WHRN: variants seen among roughly 807,000 people sequenced by gnomAD.
WHRN encodes the protein whirlin.
A neutral mutation model predicts 68.3 loss-of-function variants in WHRN; 41 were observed. That is an observed-to-expected ratio of 0.60 (90% CI 0.47 to 0.78). WHRN has a LOEUF of 0.78. Ranked by LOEUF, WHRN falls within the 30% of genes least tolerant of loss-of-function variation. The pLI is 0.00. For missense variants in WHRN, 1,243 were observed against 1,244.7 expected, an observed-to-expected ratio of 1.00 and a Z score of 0.02; for synonymous variants, 560 against 561.3, an observed-to-expected ratio of 1.00 and a Z score of 0.03.
chr9:114,477,048 G>A (rs1841706899), intron 2 of WHRN, among the ~76,000 whole-genome samples: 1 of 152,194 alleles, frequency 6.6e-6, no homozygotes. Context: ...GGTGGGGAGA[G>A]GGTACGAGCC....
intron 2 of WHRN, among the ~76,000 whole-genome samples, chr9:114,470,357 G>A (rs1462794897): frequency 2.6e-5 from 4 of 152,254 alleles, no homozygotes; most frequent in East Asian, 1.9e-4. Context: ...ACAGGACAGC[G>A]TGCAGCCCCG....
intron 8 of WHRN, 44 bp downstream of exon 8, chr9:114,407,903 G>T: frequency 6.6e-7 from 1 of 1,526,470 alleles, no homozygotes. Context: ...CAGGACCTGA[G>T]CACACCAGGG....
At chr9:114,491,111 G>A (rs918633494) in intron 1 of WHRN, among the ~76,000 whole-genome samples, 7 of 152,080 alleles carry the variant, frequency 4.6e-5, no homozygotes, top group African/African-American at 1.2e-4. Context: ...ATCGATGTCC[G>A]AAGCACAGAG....
At chr9:114,490,065 G>C (rs577546626) in intron 1 of WHRN, among the ~76,000 whole-genome samples, 2 of 152,304 alleles carry the variant, frequency 1.3e-5, no homozygotes, top group South Asian at 4.1e-4. Context: ...GTGCTCATCA[G>C]GGAGCCAGGA....
At chr9:114,406,209 C>G in intron 9 of WHRN, 146 bp downstream of exon 9, 1 of 1,077,542 alleles carries the variant, frequency 9.3e-7, no homozygotes, top group East Asian at 2.5e-5. Context: ...GGGATTCAAA[C>G]TGGGGTCTCC....
intron 7 of WHRN, among the ~76,000 whole-genome samples, chr9:114,422,033 G>A (rs573829380): frequency 6.6e-6 from 1 of 152,208 alleles, no homozygotes; most frequent in Non-Finnish European, 1.5e-5. Context: ...CAAAAGAGAA[G>A]GGTGCATGCT....
chr9:114,498,163 C>A (rs985864126), intron 1 of WHRN, among the ~76,000 whole-genome samples: 1 of 152,116 alleles, frequency 6.6e-6, no homozygotes, highest in African/African-American at 2.4e-5. Context: ...ATTAAAGCAC[C>A]TACTGTGTGC....
chr9:114,465,752 T>G (rs1237073609), intron 3 of WHRN, among the ~76,000 whole-genome samples: 3 of 152,144 alleles, frequency 2.0e-5, no homozygotes, highest in South Asian at 2.1e-4. Flanking sequence ...TGTCTCAGTT[T>G]CCCCAACTGG....
intron 3 of WHRN, among the ~76,000 whole-genome samples, chr9:114,433,878 T>C (rs7872269): frequency 0.98 from 149,455 of 152,266 alleles, 73,391 homozygotes; most frequent in East Asian, 1. Flanking sequence ...CAATATGGTC[T>C]ATGCTTCCTT....
intron 3 of WHRN, among the ~76,000 whole-genome samples, chr9:114,458,833 T>C (rs1381288710): frequency 2.6e-5 from 4 of 152,162 alleles, no homozygotes; most frequent in Non-Finnish European, 5.9e-5. Flanking sequence ...GTAAGAGAAA[T>C]GGTGGCAGCC....
At chr9:114,453,292 T>C (rs1011111787) in intron 3 of WHRN, among the ~76,000 whole-genome samples, 23 of 152,010 alleles carry the variant, frequency 1.5e-4, no homozygotes, top group African/African-American at 4.8e-4. Flanking sequence ...CATGAACTAA[T>C]AGAGCAAGAA....
At chr9:114,483,631 G>A (rs1842264830) in intron 1 of WHRN, among the ~76,000 whole-genome samples, 1 of 152,210 alleles carries the variant, frequency 6.6e-6, no homozygotes, top group Non-Finnish European at 1.5e-5. Flanking sequence ...GCAGCCTACA[G>A]AGTGAGTAGC....
chr9:114,426,411 A>C lies in WHRN; in HGVS notation c.966T>G (p.Val322=). ...GSEAEGSGLK[V]GDQILEVNGR... is the part of the protein sequence containing the mutation. ...CATTCACTTCTAGAATCTGGTCCCC[A>C]ACCTGCCAAGATCACCACACAATAC... Residue 322 remains valine, a splice_region_variant and synonymous_variant, in exon 4 of 12, where the codon GTT becomes GTG. Transcript: ENST00000362057. The C allele has an allele frequency of 1.2e-6, 2 of 1,613,874 alleles. No homozygotes were observed. Among genetic ancestry groups the C allele is most frequent in the South Asian group, 2.2e-5 (2 of 91,068 alleles).
At chr9:114,406,108 G>A (rs1395463090) in intron 9 of WHRN, among the ~76,000 whole-genome samples, 1 of 152,234 alleles carries the variant, frequency 6.6e-6, no homozygotes, top group Non-Finnish European at 1.5e-5. Context: ...AACCTGGCAG[G>A]ACTGTCACTG....
At position 114,493,356 on chromosome 9, in the gene WHRN, T is replaced by TAAAA. The variant is rs36083160; in HGVS notation, c.618+10824_618+10827dup. Reference sequence around the variant, plus strand: ...ACAGAATAAGACCCTATCTTTTTTTTAAAAAAAAAAAAAAAGTGGGGGTGG... The same window carrying TAAAA: ...ACAGAATAAGACCCTATCTTTTTTTTAAAAAAAAAAAAAAAAAAAGTGGGGGTGG... On this transcript the variant is annotated intron_variant, in intron 1 of 11. Coordinates refer to ENST00000362057, the MANE Select transcript of WHRN (RefSeq NM_015404.4). Among the ~76,000 whole-genome samples, 166 of 84,296 alleles carry TAAAA rather than the reference T, an allele frequency of 2.0e-3. 1 individual carries two copies. Among genetic ancestry groups the TAAAA allele is most frequent in the African/African-American group, 7.3e-3 (156 of 21,456 alleles). 55.3% of individuals were successfully genotyped at this position (84,296 alleles called of 152,430 possible).
chr9:114,450,594 T>C (rs1166968757), intron 3 of WHRN, among the ~76,000 whole-genome samples: 2 of 152,230 alleles, frequency 1.3e-5, no homozygotes, highest in South Asian at 2.1e-4. Context: ...TAAAGCTAAT[T>C]AAAAAAATAC....
rs749114478 is a variant in WHRN at position 114,403,276 on chromosome 9, T to C, written c.2482A>G (p.Ile828Val). ...RVKKSAATLG[I>V]AIEGGANTRQ... ...GTGTTGGCGCCACCCTCGATGGCGA[T>C]GCCCAGGGTGGCCGCACTTTTCTTC... The change falls in exon 11 of 12, where the codon ATC becomes GTC. Residue 828 changes from isoleucine (I) to valine (V), a missense_variant. Physicochemically the swap from Ile to Val is conservative, Grantham distance 29. Coordinates refer to ENST00000362057, the MANE Select transcript of WHRN (RefSeq NM_015404.4). The C allele has an allele frequency of 6.2e-7, 1 of 1,614,132 alleles. No individual in the cohort carries two copies.
In WHRN at chr9:114,499,976, G is replaced by A. The variant is rs544722074; in HGVS notation, c.618+4208C>T. ...GGCAATAATTTTCTATAAAAATACC[G>A]ATTTTTTTAAGGGCATTCTCTTCCA... is the stretch of plus-strand genomic sequence containing the variant. On this transcript the variant is annotated intron_variant, in intron 1 of 11. Coordinates refer to ENST00000362057, the MANE Select transcript of WHRN (RefSeq NM_015404.4). Among the ~76,000 whole-genome samples the A allele has an allele frequency of 0.015, 119 of 7,680 alleles. No individual in the cohort carries two copies. The Middle Eastern group carries it at 0.3, about 19-fold the overall frequency. The allele number at this position is 7,680 out of a possible 152,430, so 5.0% of individuals were successfully genotyped here. A position where few individuals can be genotyped will look rare whatever the true frequency, so the allele number is the denominator to read the frequency against.
intron 2 of WHRN, among the ~76,000 whole-genome samples, chr9:114,472,066 TAAAA>T (rs1392110981): frequency 1.2e-4 from 18 of 152,346 alleles, no homozygotes; most frequent in Non-Finnish European, 2.2e-4. Context: ...TGTGTGCTCC[TAAAA>T]TACAGGCTTT....
Sources: gnomAD v4.1 joint callset for allele counts (sites outside exome capture counted in the v4.1 genomes callset) on GRCh38, gnomAD v4.1.1 for gene constraint, MANE v1.5 for transcripts, NCBI Gene and HGNC (gene_info 2026-07-23, HGNC 2026-07-21) for gene names.